MACROD2: variants seen among roughly 807,000 people sequenced by gnomAD.
MACROD2 encodes the protein ADP-ribose glycohydrolase MACROD2.
Under a neutral mutation model 70.4 loss-of-function variants are expected in MACROD2, and 36 were observed. The ratio of observed to expected loss-of-function variants is 0.51; its 90% confidence interval spans 0.39 to 0.68. The LOEUF is 0.68. Among genes scored for constraint, MACROD2 ranks in the 30% least tolerant of loss-of-function variants. The pLI is 0.00. For synonymous variants in MACROD2, 172 were observed against 178.8 expected, an observed-to-expected ratio of 0.96 and a Z score of 0.30; for missense variants, 496 against 538.4, an observed-to-expected ratio of 0.92 and a Z score of 0.78.
chr20:14,441,246 C>T (rs1166764995), intron 3 of MACROD2, among the ~76,000 whole-genome samples: 1 of 152,164 alleles, frequency 6.6e-6, no homozygotes, highest in Non-Finnish European at 1.5e-5. Flanking sequence ...GTAAAGAAGT[C>T]TAGTCCAGCC....
intron 3 of MACROD2, among the ~76,000 whole-genome samples, chr20:14,223,752 C>A (rs2081704555): frequency 6.6e-6 from 1 of 152,130 alleles, no homozygotes; most frequent in African/African-American, 2.4e-5. Flanking sequence ...CCTGCCTCAG[C>A]CTCCCAAAGT....
At chr20:14,016,731 TAATCCAG>T (rs2052997375) in intron 2 of MACROD2, among the ~76,000 whole-genome samples, 1 of 152,200 alleles carries the variant, frequency 6.6e-6, no homozygotes. Flanking sequence ...AAATCTCTTG[TAATCCAG>T]AACCACATTA....
At chr20:14,080,587 T>G (rs1171069557) in intron 2 of MACROD2, among the ~76,000 whole-genome samples, 1 of 152,038 alleles carries the variant, frequency 6.6e-6, no homozygotes, top group African/African-American at 2.4e-5. Flanking sequence ...ACTTATTTTG[T>G]AAACAAGAGT....
At chr20:14,999,208 T>C (rs909586031) in intron 5 of MACROD2, among the ~76,000 whole-genome samples, 6 of 152,164 alleles carry the variant, frequency 3.9e-5, no homozygotes, top group East Asian at 1.9e-4. Flanking sequence ...ACAAAACTCA[T>C]TGGGAGTAGT....
At chr20:15,537,974 TGCCA>T (rs1286931986) in intron 8 of MACROD2, among the ~76,000 whole-genome samples, 1 of 152,154 alleles carries the variant, frequency 6.6e-6, no homozygotes, top group Admixed American at 6.5e-5. Context: ...CTTAGTAGAG[TGCCA>T]GCCTGGCATA....
chr20:14,976,924 A>G (rs1905707435), intron 5 of MACROD2, among the ~76,000 whole-genome samples: 2 of 148,956 alleles, frequency 1.3e-5, no homozygotes, highest in African/African-American at 2.6e-5. Context: ...TATTCCTGCA[A>G]TTATTTTATA....
intron 6 of MACROD2, among the ~76,000 whole-genome samples, chr20:15,355,334 A>G (rs774488681): frequency 1.3e-5 from 2 of 152,176 alleles, no homozygotes; most frequent in African/African-American, 2.4e-5. Context: ...GATAATTGCT[A>G]CACCTATAAT....
intron 15 of MACROD2, among the ~76,000 whole-genome samples, chr20:16,014,397 G>A (rs1304315609): frequency 1.3e-5 from 2 of 152,186 alleles, no homozygotes; most frequent in Non-Finnish European, 2.9e-5. Context: ...AGCAACTTTT[G>A]TTACACTAAG....
rs527336529 is a variant in MACROD2, at chr20:14,526,061, G to A, written c.301+32553G>A. Among the ~76,000 whole-genome samples the A allele has an allele frequency of 3.3e-4, 50 of 152,270 alleles. No individual in the cohort carries two copies. The East Asian group carries it at 8.7e-3, about 26-fold the overall frequency. The stretch of plus-strand genomic sequence containing the variant: ...AAAAAGCCCTTCTTTTGTCTTGTTG[G>A]CTGTAAAATATCTTGCATGGCCCAG... On this transcript the variant is annotated intron_variant, in intron 4 of 17. Transcript: ENST00000684519.
chr20:15,168,441 A>G (rs867302446), intron 5 of MACROD2, among the ~76,000 whole-genome samples: 74 of 134,724 alleles, frequency 5.5e-4, no homozygotes, highest in Non-Finnish European at 7.0e-4. Flanking sequence ...ACATTGTGGG[A>G]TGTGTGTGTG....
intron 5 of MACROD2, among the ~76,000 whole-genome samples, chr20:15,200,787 T>G (rs757995558): frequency 7.2e-5 from 11 of 152,192 alleles, no homozygotes; most frequent in Non-Finnish European, 1.5e-4. Flanking sequence ...TTTATACAGA[T>G]CCTCTATACA....
intron 5 of MACROD2, among the ~76,000 whole-genome samples, chr20:14,771,336 A>G (rs2072162660): frequency 6.6e-6 from 1 of 152,064 alleles, no homozygotes; most frequent in Non-Finnish European, 1.5e-5. Flanking sequence ...ATGGAGAACC[A>G]TAACACAGAT....
At chr20:15,407,180 A>G (rs2046014377) in intron 6 of MACROD2, among the ~76,000 whole-genome samples, 1 of 151,558 alleles carries the variant, frequency 6.6e-6, no homozygotes, top group Non-Finnish European at 1.5e-5. Context: ...ACTTCCTGCA[A>G]CTCAGGCCTA....
chr20:14,244,183 G>A (rs78696005), intron 3 of MACROD2, among the ~76,000 whole-genome samples: 8,029 of 152,236 alleles, frequency 0.053, 331 homozygotes, highest in East Asian at 0.22. Context: ...CAGAGAGAAA[G>A]GTTAGGAAGC....
At position 15,809,880 on chromosome 20, in the gene MACROD2, ATAC is replaced by A. The variant is rs1407274105; in HGVS notation, c.646-52863_646-52861del. 2.4e-5 allele frequency among the ~76,000 whole-genome samples: 3 copies of A among 127,160 alleles called. No individual in the cohort carries two copies. In the East Asian group the frequency reaches 7.1e-4, roughly 30 times the overall value. The allele number at this position is 127,160 out of a possible 152,430, so 83.4% of individuals were successfully genotyped here. A position where few individuals can be genotyped will look rare whatever the true frequency, so the allele number is the denominator to read the frequency against. On this transcript the variant is annotated intron_variant, in intron 8 of 17. Coordinates refer to ENST00000684519, the MANE Select transcript of MACROD2 (RefSeq NM_001351661.2). ...CCCTATCTTTTTTTTTTTTTTTATT[ATAC>A]TTTAAGTTTTAGGGTACATGTGCAC...
intron 15 of MACROD2, among the ~76,000 whole-genome samples, chr20:16,016,367 A>T (rs1468165816): frequency 6.6e-6 from 1 of 152,188 alleles, no homozygotes; most frequent in Non-Finnish European, 1.5e-5. Flanking sequence ...TCTGCCTGTT[A>T]TGCAAGTGAG....
chr20:14,680,164 A>G (rs748484290), intron 4 of MACROD2, among the ~76,000 whole-genome samples: 5 of 152,186 alleles, frequency 3.3e-5, no homozygotes, highest in Non-Finnish European at 7.4e-5. Flanking sequence ...CAGAAAGGAG[A>G]GAGTCACAGA....
chr20:15,433,233 G>A (rs1361516353), intron 7 of MACROD2, among the ~76,000 whole-genome samples: 1 of 151,750 alleles, frequency 6.6e-6, no homozygotes, highest in Non-Finnish European at 1.5e-5. Flanking sequence ...GAAATAAAAG[G>A]CATCCAAGTC....
intron 7 of MACROD2, among the ~76,000 whole-genome samples, chr20:15,457,921 A>G (rs1325214042): frequency 6.6e-6 from 1 of 151,370 alleles, no homozygotes; most frequent in African/African-American, 2.4e-5. Flanking sequence ...ATATAACCTA[A>G]CAGGGTTGTT....
Sources: gnomAD v4.1 joint callset for allele counts (sites outside exome capture counted in the v4.1 genomes callset) on GRCh38, gnomAD v4.1.1 for gene constraint, MANE v1.5 for transcripts, NCBI Gene and HGNC (gene_info 2026-07-23, HGNC 2026-07-21) for gene names.